Variants in LAMB3 observed in about 807,000 individuals in gnomAD.
LAMB3 encodes laminin subunit beta-3.
Under a neutral mutation model 140.3 loss-of-function variants are expected in LAMB3, and 104 were observed. The observed-to-expected ratio is 0.74, with a 90% CI of 0.63 to 0.87. LAMB3 has a LOEUF of 0.87. Among genes scored for constraint, LAMB3 ranks in the 40% least tolerant of loss-of-function variants. The pLI is 0.00. For missense variants in LAMB3, 1,531 were observed against 1,575.2 expected (o/e 0.97, Z 0.47); for synonymous variants, 592 against 602.9 (o/e 0.98, Z 0.26).
At chr1:209,651,861 G>C (rs960404918) in intron 1 of LAMB3, among the ~76,000 whole-genome samples, 4 of 138,128 alleles carry the variant, frequency 2.9e-5, no homozygotes, top group Admixed American at 1.5e-4. Context: ...AGGGCTGGGG[G>C]CTTGGCAAGG....
Position 209,634,546 on chromosome 1 carries a change from G to A in LAMB3, c.465C>T (p.Ser155=). The A allele has an allele frequency of 6.2e-7, 1 of 1,614,142 alleles. No individual in the cohort carries two copies. Among genetic ancestry groups the A allele is most frequent in the Non-Finnish European group, 8.5e-7 (1 of 1,180,018 alleles). ...VYQYLAADCT[S]TFPRVRQGRP... ...GACCCTGGCGGACCCGAGGGAAGGTGGAGGTGCAGTCGGCAGCCAGGTACT... is the reference window on the plus strand; with the variant it reads ...GACCCTGGCGGACCCGAGGGAAGGTAGAGGTGCAGTCGGCAGCCAGGTACT... Residue 155 remains serine (S), a synonymous_variant, in exon 6 of 23, where the codon TCC becomes TCT. Coordinates refer to ENST00000356082, the MANE Select transcript of LAMB3 (RefSeq NM_000228.3).
chr1:209,628,559 C>T (rs751290217), intron 10 of LAMB3, among the ~76,000 whole-genome samples: 8 of 152,072 alleles, frequency 5.3e-5, no homozygotes, highest in Admixed American at 1.3e-4. Context: ...TAGCCAGGCA[C>T]GGTGGCGCAT....
chr1:209,625,504 G>A, intron 14 of LAMB3, 144 bp downstream of exon 14: 2 of 1,101,354 alleles, frequency 1.8e-6, no homozygotes, highest in Non-Finnish European at 2.8e-6. Context: ...TCACAGGACT[G>A]TTGTAATGGT....
intron 17 of LAMB3, 117 bp downstream of exon 17, chr1:209,622,865 A>G: frequency 7.3e-7 from 1 of 1,368,644 alleles, no homozygotes; most frequent in Non-Finnish European, 1.0e-6. Flanking sequence ...GTGGCACCTT[A>G]AGCAGGTCAC....
chr1:209,647,706 T>C (rs1163545584), intron 3 of LAMB3, among the ~76,000 whole-genome samples: 1 of 152,100 alleles, frequency 6.6e-6, no homozygotes, highest in Non-Finnish European at 1.5e-5. Flanking sequence ...GCTGTGGCTG[T>C]CCAGTACACC....
intron 3 of LAMB3, 27 bp downstream of exon 3, chr1:209,649,937 C>A (rs2076550289): frequency 6.2e-7 from 1 of 1,613,748 alleles, no homozygotes; most frequent in African/African-American, 1.3e-5. Context: ...ATCCCGCCTT[C>A]CTCCAGTCCT....
At chr1:209,616,762 G>T in intron 21 of LAMB3, 138 bp from the exon 22 acceptor site, 1 of 833,924 alleles carries the variant, frequency 1.2e-6, no homozygotes, top group Non-Finnish European at 2.0e-6. Flanking sequence ...CATTGGTTTT[G>T]CCTATTGAAA....
In LAMB3 at chr1:209,623,274, T is replaced by C; in HGVS notation, c.2359-95A>G. 7.7e-7 allele frequency: 1 copy of C among 1,298,064 alleles called. No homozygotes were observed. Among genetic ancestry groups the C allele is most frequent in the Non-Finnish European group, 1.1e-6 (1 of 908,676 alleles). 80.4% of individuals were successfully genotyped at this position (1,298,064 alleles called of 1,614,324 possible). On this transcript the variant is annotated intron_variant, in intron 16 of 22. Coordinates refer to ENST00000356082, the MANE Select transcript of LAMB3 (RefSeq NM_000228.3). The surrounding 1 kb of genome is among the most constrained non-coding windows in gnomAD (Gnocchi z 4.2). ...GGAAACCAACAGCCAGACATCTCCA[T>C]GACAACCAAGCACCAGAAACAGCCA...
At chr1:209,625,235 G>A (rs1044538136) in intron 14 of LAMB3, among the ~76,000 whole-genome samples, 1 of 152,194 alleles carries the variant, frequency 6.6e-6, no homozygotes, top group Non-Finnish European at 1.5e-5. Context: ...CTGGTGGGAT[G>A]GGGGTGTGGG....
intron 14 of LAMB3, among the ~76,000 whole-genome samples, chr1:209,624,880 GAGGAAGGAAGGAAGGAAGGAAGGA>G (rs397962425): frequency 2.8e-3 from 285 of 100,842 alleles, no homozygotes; most frequent in African/African-American, 0.01. Context: ...GAAAGAGAGA[GAGGAAGGAAGGAAGGAAGGAAGGA>G]AGGAAGGAAG....
rs1666731662 is a variant in LAMB3 at position 209,632,612 on chromosome 1, C to G, written c.793G>C (p.Ala265Pro). The G allele has an allele frequency of 6.2e-7, 1 of 1,614,076 alleles. No individual in the cohort carries two copies. The highest frequency in any genetic ancestry group is 8.5e-7 in the Non-Finnish European group (1 of 1,179,918). Residue 265 changes from alanine (A) to proline (P), a missense_variant, in exon 8 of 23, where the codon GCC (alanine) becomes CCC (proline). Physicochemically the swap from Ala to Pro is conservative, Grantham distance 27. Coordinates refer to ENST00000356082, the MANE Select transcript of LAMB3 (RefSeq NM_000228.3). ...ACAGCGGTGGAGGGGCCTGCAGAGG[C>G]CCCAGGCTTGGGTGCGCAGCGATCA... Reference protein sequence around the residue: ...HADRCAPKPGASAGPSTAVQV... With the variant: ...HADRCAPKPGPSAGPSTAVQV...
intron 12 of LAMB3, 104 bp downstream of exon 12, chr1:209,627,279 A>C: frequency 1.1e-6 from 1 of 944,092 alleles, no homozygotes; most frequent in Non-Finnish European, 1.6e-6. Flanking sequence ...GCCCAGTCTG[A>C]CAGGGGAGAG....
At chr1:209,630,808 C>T in intron 8 of LAMB3, 73 bp from the exon 9 acceptor site, 1 of 1,533,182 alleles carries the variant, frequency 6.5e-7, no homozygotes, top group Non-Finnish European at 9.0e-7. Context: ...GCCCACTGCC[C>T]TCTGACCCTC....
chr1:209,633,713 A>T (rs4844864), intron 6 of LAMB3, among the ~76,000 whole-genome samples: 1 of 152,116 alleles, frequency 6.6e-6, no homozygotes, highest in Non-Finnish European at 1.5e-5. Context: ...AACTGCTAAA[A>T]CCAAAGGAAG....
chr1:209,619,045 A>T (rs1444313010), intron 18 of LAMB3, among the ~76,000 whole-genome samples: 1 of 152,196 alleles, frequency 6.6e-6, no homozygotes, highest in Non-Finnish European at 1.5e-5. Context: ...CAGAAACTGG[A>T]GCTGCTTCCT....
intron 13 of LAMB3, 142 bp from the exon 14 acceptor site, chr1:209,626,168 C>A: frequency 1.1e-6 from 1 of 933,400 alleles, no homozygotes; most frequent in Non-Finnish European, 1.6e-6. Flanking sequence ...GAATAAAAGC[C>A]ATGGTAACAG....
At chr1:209,630,950 C>G (rs116182227) in intron 8 of LAMB3, among the ~76,000 whole-genome samples, 2 of 152,192 alleles carry the variant, frequency 1.3e-5, no homozygotes, top group African/African-American at 4.8e-5. Context: ...TGTGTGTGCA[C>G]GTGCGTGTGC....
At chr1:209,615,562 C>G (rs1441780988) in intron 22 of LAMB3, among the ~76,000 whole-genome samples, 155 bp from the exon 23 acceptor site, 2 of 152,190 alleles carry the variant, frequency 1.3e-5, no homozygotes, top group African/African-American at 2.4e-5. Flanking sequence ...GCCCCTCCAG[C>G]TTCATGCCTC....
At chr1:209,615,723 G>A (rs1046571602) in intron 22 of LAMB3, among the ~76,000 whole-genome samples, 10 of 152,198 alleles carry the variant, frequency 6.6e-5, no homozygotes, top group Non-Finnish European at 1.0e-4. Flanking sequence ...ATATCTTAGC[G>A]ATGACTCTAG....
Sources: gnomAD v4.1 joint callset for allele counts (sites outside exome capture counted in the v4.1 genomes callset) on GRCh38, gnomAD v4.1.1 for gene constraint, Gnocchi (gnomAD v3.1) non-coding constraint, MANE v1.5 for transcripts, NCBI Gene and HGNC (gene_info 2026-07-23, HGNC 2026-07-21) for gene names.